CNIH3: variants seen among roughly 807,000 people sequenced by gnomAD.
CNIH3 encodes cornichon family AMPA receptor auxiliary protein 3, also known as protein cornichon homolog 3.
A neutral mutation model predicts 24.1 loss-of-function variants in CNIH3; 14 were observed. The observed-to-expected ratio is 0.58, with a 90% CI of 0.38 to 0.91. The LOEUF is 0.91. CNIH3 is among the 40% of genes least tolerant of loss of function. The pLI is 0.00. For missense variants in CNIH3, 178 were observed against 196.8 expected (o/e 0.90, Z 0.57); for synonymous variants, 68 against 73.8 (o/e 0.92, Z 0.40).
At chr1:224,642,639 C>T (rs140296884) in intron 1 of CNIH3, among the ~76,000 whole-genome samples, 151 of 152,322 alleles carry the variant, frequency 9.9e-4, no homozygotes, top group African/African-American at 3.4e-3. Context: ...GGCTCCTTAC[C>T]ACTGTGCTCC....
At chr1:224,675,992 A>G (rs533229461) in intron 1 of CNIH3, among the ~76,000 whole-genome samples, 2 of 152,298 alleles carry the variant, frequency 1.3e-5, no homozygotes, top group African/African-American at 4.8e-5. Flanking sequence ...TCCCCCTCCT[A>G]TTTCTCCAAG....
chr1:224,732,675 T>C (rs961783072), intron 4 of CNIH3, among the ~76,000 whole-genome samples: 60 of 152,240 alleles, frequency 3.9e-4, no homozygotes, highest in African/African-American at 1.3e-3. Flanking sequence ...CGTCCCAAGG[T>C]CCTTCAAGTA....
intron 1 of CNIH3, among the ~76,000 whole-genome samples, chr1:224,501,230 G>T (rs1011957689): frequency 6.6e-6 from 1 of 152,168 alleles, no homozygotes; most frequent in Admixed American, 6.5e-5. Context: ...GAGGTAGGCG[G>T]AGTCATACTT....
intron 1 of CNIH3, among the ~76,000 whole-genome samples, chr1:224,446,959 C>T (rs768402285): frequency 6.6e-6 from 1 of 152,084 alleles, no homozygotes; most frequent in Non-Finnish European, 1.5e-5. Context: ...CCCATGGACT[C>T]ATAGCTCATC....
intron 3 of CNIH3, among the ~76,000 whole-genome samples, chr1:224,713,168 T>C (rs1013499401): frequency 6.6e-6 from 1 of 152,220 alleles, no homozygotes; most frequent in Non-Finnish European, 1.5e-5. Context: ...AAACACACAC[T>C]GCCCAGGAGA....
intron 1 of CNIH3, among the ~76,000 whole-genome samples, chr1:224,484,497 T>G (rs769837019): frequency 6.6e-6 from 1 of 152,188 alleles, no homozygotes; most frequent in Non-Finnish European, 1.5e-5. Flanking sequence ...TGTGTTGGTG[T>G]TGTTTTCTTC....
intron 4 of CNIH3, 71 bp from the exon 5 acceptor site, chr1:224,734,492 C>T (rs937692714): frequency 2.4e-5 from 37 of 1,510,892 alleles, no homozygotes; most frequent in Admixed American, 2.0e-4. Flanking sequence ...AGCCCTGCAT[C>T]GGAAGGGTTT....
At chr1:224,530,366 A>G (rs1679015298) in intron 2 of CNIH3, among the ~76,000 whole-genome samples, 1 of 152,184 alleles carries the variant, frequency 6.6e-6, no homozygotes, top group African/African-American at 2.4e-5. Context: ...TGGCTGTTCC[A>G]TTGTAATTAC....
At chr1:224,692,702 G>A (rs1686988905) in intron 3 of CNIH3, among the ~76,000 whole-genome samples, 1 of 152,196 alleles carries the variant, frequency 6.6e-6, no homozygotes, top group East Asian at 1.9e-4. Flanking sequence ...AGGAAATTGA[G>A]GCTTAGAGAG....
chr1:224,578,087 G>A (rs1037813120), intron 4 of CNIH3, among the ~76,000 whole-genome samples: 8 of 152,030 alleles, frequency 5.3e-5, no homozygotes, highest in African/African-American at 1.9e-4. Context: ...CGGATGAAGG[G>A]TGGACCAAAA....
chr1:224,531,433 G>T (rs1679065892), intron 2 of CNIH3, among the ~76,000 whole-genome samples: 1 of 152,208 alleles, frequency 6.6e-6, no homozygotes, highest in Non-Finnish European at 1.5e-5. Context: ...TACGGTGTCT[G>T]GAAAGGCTTT....
intron 1 of CNIH3, among the ~76,000 whole-genome samples, chr1:224,441,609 T>A (rs1674918448): frequency 6.6e-6 from 1 of 152,232 alleles, no homozygotes; most frequent in Non-Finnish European, 1.5e-5. Flanking sequence ...CAATTATGAC[T>A]GTTAACAACA....
chr1:224,485,517 G>A (rs567028580), intron 1 of CNIH3, among the ~76,000 whole-genome samples: 75 of 152,102 alleles, frequency 4.9e-4, no homozygotes, highest in African/African-American at 1.8e-3. Context: ...TTTAGAGACA[G>A]GGTCTGATTC....
chr1:224,607,530 G>T (rs762538086), intron 3 of CNIH3, among the ~76,000 whole-genome samples: 5 of 151,880 alleles, frequency 3.3e-5, no homozygotes, highest in African/African-American at 1.2e-4. Context: ...GCATTCCTCT[G>T]GTCCTCAGTT....
chr1:224,483,161 C>T (rs988709283), intron 1 of CNIH3, among the ~76,000 whole-genome samples: 1 of 152,130 alleles, frequency 6.6e-6, no homozygotes, highest in South Asian at 2.1e-4. Context: ...TCTCCAGTGC[C>T]TCTTTGAGTG....
upstream of CNIH3, chr1:224,513,809 A>G (rs755434671): frequency 9.9e-5 from 15 of 152,204 alleles, no homozygotes; most frequent in Non-Finnish European, 1.6e-4. Context: ...GCGCACTCAC[A>G]CGACCATTGA....
At chr1:224,493,409 T>A (rs780908853) in intron 1 of CNIH3, among the ~76,000 whole-genome samples, 2 of 152,166 alleles carry the variant, frequency 1.3e-5, no homozygotes, top group African/African-American at 2.4e-5. Context: ...GGTGTGTTTA[T>A]GATGTTTTGG....
At chr1:224,679,247 G>A (rs1241025520) in intron 1 of CNIH3, among the ~76,000 whole-genome samples, 7 of 152,056 alleles carry the variant, frequency 4.6e-5, no homozygotes, top group Admixed American at 3.3e-4. Context: ...AGCTGAGGCA[G>A]GAGAATTGCT....
At chr1:224,714,773 T>C (rs934804420) in intron 3 of CNIH3, among the ~76,000 whole-genome samples, 1 of 152,152 alleles carries the variant, frequency 6.6e-6, no homozygotes, top group Non-Finnish European at 1.5e-5. Context: ...ATTGAACACC[T>C]ACGCTAGGAC....
Sources: allele counts gnomAD v4.1 joint callset (sites outside exome capture counted in the v4.1 genomes callset), GRCh38; gene constraint gnomAD v4.1.1; transcripts MANE v1.5; gene names NCBI Gene and HGNC (gene_info 2026-07-23, HGNC 2026-07-21).